Variants in POU1F1 observed in about 807,000 individuals in gnomAD.
POU1F1 encodes pituitary-specific positive transcription factor 1.
In POU1F1, 23 loss-of-function variants were observed where a neutral mutation model predicts 32.3. The ratio of observed to expected loss-of-function variants is 0.71; its 90% confidence interval spans 0.51 to 1.01. POU1F1 has a LOEUF of 1.01. Ranked by LOEUF, POU1F1 falls within the 50% of genes least tolerant of loss-of-function variation. The probability of loss-of-function intolerance (pLI) is 0.00; values close to 1 mark genes in which losing one functional copy is unlikely to be tolerated. For missense variants in POU1F1, 323 were observed against 341.6 expected, an observed-to-expected ratio of 0.95 and a Z score of 0.43; for synonymous variants, 120 against 115.6, an observed-to-expected ratio of 1.04 and a Z score of -0.25.
intron 5 of POU1F1, among the ~76,000 whole-genome samples, chr3:87,260,637 C>T (rs1706491573): frequency 6.6e-6 from 1 of 152,100 alleles, no homozygotes; most frequent in Non-Finnish European, 1.5e-5. Context: ...ACTAGTGTCA[C>T]ATTTTTAAAT....
Position 87,259,615 on chromosome 3 carries a change from GAGAA to G in POU1F1, c.*275_*278del, listed in dbSNP as rs1706466557. 1.2e-5 allele frequency: 5 copies of G among 400,584 alleles called. No individual in the cohort carries two copies. The highest frequency in any genetic ancestry group is 4.1e-5 in the Admixed American group (1 of 24,328). 24.8% of individuals were successfully genotyped at this position (400,584 alleles called of 1,614,324 possible). ...CATACTCATATGTCTGCGTGTGTGTGAGAAAGAGAGCGGGAGAGACAGAGAGATC... is the reference window on the plus strand; with the variant it reads ...CATACTCATATGTCTGCGTGTGTGTGAGAGAGCGGGAGAGACAGAGAGATC... On this transcript the variant is annotated 3_prime_UTR_variant, in exon 6 of 6. Transcript: ENST00000350375.
intron 2 of POU1F1, among the ~76,000 whole-genome samples, chr3:87,272,382 C>G (rs1413864783): frequency 6.6e-6 from 1 of 152,112 alleles, no homozygotes; most frequent in Non-Finnish European, 1.5e-5. Context: ...TATACATGCG[C>G]CATGCTGGTG....
In POU1F1 at chr3:87,276,308, T is replaced by C. The variant is rs1393762555; in HGVS notation, c.142+13A>G. 3.1e-6 allele frequency: 5 copies of C among 1,612,962 alleles called. No individual in the cohort carries two copies. The African/African-American group carries it at 5.3e-5, about 17-fold the overall frequency. ...AGGCCCGGTCATATGTAAACTGTCA[T>C]AGGAGTCAGTACCTGTAGACATCAC... On this transcript the variant is annotated intron_variant, in intron 1 of 5. Coordinates refer to ENST00000350375, the MANE Select transcript of POU1F1 (RefSeq NM_000306.4).
chr3:87,264,220 A>C (rs1158466958), intron 3 of POU1F1, 68 bp downstream of exon 3: 1 of 1,239,770 alleles, frequency 8.1e-7, no homozygotes, highest in Admixed American at 1.7e-5. Context: ...GCAATATATA[A>C]GAGATTTAAC....
intron 4 of POU1F1, 70 bp from the exon 5 acceptor site, chr3:87,261,403 A>G: frequency 8.3e-7 from 1 of 1,204,860 alleles, no homozygotes; most frequent in African/African-American, 1.5e-5. Context: ...TCTGATTTGG[A>G]TTTCAAATTT....
intron 1 of POU1F1, 91 bp from the exon 2 acceptor site, chr3:87,273,509 T>C: frequency 6.3e-7 from 1 of 1,576,270 alleles, no homozygotes; most frequent in South Asian, 1.2e-5. Context: ...GGTAAGAAAA[T>C]GTATAAGGAT....
At chr3:87,274,082 T>C (rs1332582101) in intron 1 of POU1F1, among the ~76,000 whole-genome samples, 1 of 152,152 alleles carries the variant, frequency 6.6e-6, no homozygotes, top group Non-Finnish European at 1.5e-5. Flanking sequence ...AGGTTGTTAG[T>C]TGTCTGCATA....
In POU1F1 at chr3:87,260,096, G is replaced by C; in HGVS notation, c.674C>G (p.Ala225Gly). 1.2e-6 allele frequency: 2 copies of C among 1,613,658 alleles called. No individual in the cohort carries two copies. Among genetic ancestry groups the C allele is most frequent in the Non-Finnish European group, 1.7e-6 (2 of 1,179,776 alleles). ...RKRRTTISIAAKDALERHFGE... is the reference protein window; with the variant it reads ...RKRRTTISIAGKDALERHFGE... ...AAAGTGTCTCTCCAGAGCATCTTTA[G>C]CAGCAATGCTGGCGGGGGGTGGACA... Residue 225 changes from alanine to glycine, a missense_variant, in exon 6 of 6, where the codon GCT becomes GGT. By Grantham distance (60) the Ala-to-Gly change is moderately conservative (BLOSUM62 0). Transcript: ENST00000350375.
chr3:87,260,810 A>G (rs1295202539), intron 5 of POU1F1, among the ~76,000 whole-genome samples: 1 of 151,746 alleles, frequency 6.6e-6, no homozygotes. Context: ...TTTCCATCAA[A>G]TGTTGAAAAT....
chr3:87,264,249 A>G (rs1706570131), intron 3 of POU1F1, 39 bp downstream of exon 3: 2 of 1,511,298 alleles, frequency 1.3e-6, no homozygotes, highest in Non-Finnish European at 1.8e-6. Context: ...AGATTTGCAA[A>G]CCAAGTTCTT....
At chr3:87,268,084 C>CTTTTT (rs11387958) in intron 2 of POU1F1, among the ~76,000 whole-genome samples, 3 of 116,462 alleles carry the variant, frequency 2.6e-5, no homozygotes, top group Non-Finnish European at 5.2e-5. Flanking sequence ...TTCCCTTTCC[C>CTTTTT]TTTTTTTTTT....
At chr3:87,264,229 A>G (rs544602289) in intron 3 of POU1F1, 59 bp downstream of exon 3, 36 of 1,319,344 alleles carry the variant, frequency 2.7e-5, no homozygotes, top group Admixed American at 5.1e-5. Context: ...AAGAGATTTA[A>G]CAGCAATAAA....
At chr3:87,265,094 C>T (rs1706592219) in intron 2 of POU1F1, among the ~76,000 whole-genome samples, 1 of 151,588 alleles carries the variant, frequency 6.6e-6, no homozygotes, top group Admixed American at 6.6e-5. Flanking sequence ...TGAAGGTAGG[C>T]AGAAAGAGAA....
chr3:87,261,449 AT>A, intron 4 of POU1F1, 116 bp from the exon 5 acceptor site: 1 of 808,936 alleles, frequency 1.2e-6, no homozygotes, highest in Non-Finnish European at 1.9e-6. Context: ...AATGCTAGAC[AT>A]TTTTGTCTTA....
chr3:87,275,084 T>C (rs971832200), intron 1 of POU1F1, among the ~76,000 whole-genome samples: 3 of 152,000 alleles, frequency 2.0e-5, no homozygotes, highest in Admixed American at 1.3e-4. Context: ...ATTTAAAATA[T>C]GTGATTAGCT....
chr3:87,269,671 A>T (rs1706689427), intron 2 of POU1F1, among the ~76,000 whole-genome samples: 1 of 152,098 alleles, frequency 6.6e-6, no homozygotes, highest in Admixed American at 6.5e-5. Flanking sequence ...CAGCAAGAAT[A>T]TTTTCAGCCA....
intron 2 of POU1F1, 78 bp downstream of exon 2, chr3:87,273,269 A>T: frequency 7.1e-7 from 1 of 1,407,900 alleles, no homozygotes; most frequent in Non-Finnish European, 9.9e-7. Flanking sequence ...TCACACTCTG[A>T]TCACAATTCT....
At chr3:87,263,107 A>G (rs1706541840) in intron 3 of POU1F1, among the ~76,000 whole-genome samples, 1 of 152,144 alleles carries the variant, frequency 6.6e-6, no homozygotes, top group Non-Finnish European at 1.5e-5. Context: ...ATTTCAATCC[A>G]TTAAAAAAAT....
chr3:87,275,559 C>T (rs560766238), intron 1 of POU1F1, among the ~76,000 whole-genome samples: 7 of 152,118 alleles, frequency 4.6e-5, no homozygotes, highest in African/African-American at 1.4e-4. Context: ...ATTTGTAAAT[C>T]AACTCTAAAA....
Sources: gnomAD v4.1 joint callset for allele counts (sites outside exome capture counted in the v4.1 genomes callset) on GRCh38, gnomAD v4.1.1 for gene constraint, MANE v1.5 for transcripts, NCBI Gene and HGNC (gene_info 2026-07-23, HGNC 2026-07-21) for gene names.